Variants in PNKD observed in about 807,000 individuals in gnomAD.
PNKD encodes probable thioesterase PNKD.
A neutral mutation model predicts 45.3 loss-of-function variants in PNKD; 36 were observed. The ratio of observed to expected loss-of-function variants is 0.80; its 90% CI spans 0.61 to 1.05. The LOEUF (loss-of-function observed/expected upper bound fraction) is 1.05, where lower values mean the gene tolerates loss of function less well. Ranked by LOEUF, PNKD falls within the 50% of genes least tolerant of loss-of-function variation. The pLI is 0.00. For missense variants in PNKD, 511 were observed against 506.6 expected (o/e 1.01, Z -0.08); for synonymous variants, 197 against 210.1 (o/e 0.94, Z 0.54).
At chr2:218,280,300 C>T (rs943436016) in intron 2 of PNKD, 5 of 574,064 alleles carry the variant, frequency 8.7e-6, no homozygotes, top group Middle Eastern at 3.7e-4. Flanking sequence ...GACCCAGAGC[C>T]GGCCTGTCAC....
intron 2 of PNKD, chr2:218,280,118 G>A: frequency 6.2e-7 from 1 of 1,613,770 alleles, no homozygotes; most frequent in Non-Finnish European, 8.5e-7. Flanking sequence ...TCATAGCCAT[G>A]GCCTGGGCCT....
chr2:218,314,980 ATGCC>A (rs1693734675), intron 2 of PNKD, among the ~76,000 whole-genome samples: 1 of 143,130 alleles, frequency 7.0e-6, no homozygotes, highest in South Asian at 2.3e-4. Flanking sequence ...ATGAGCCACT[ATGCC>A]CGCCTGAGGT....
At chr2:218,307,068 T>C (rs975328355) in intron 2 of PNKD, among the ~76,000 whole-genome samples, 1 of 152,196 alleles carries the variant, frequency 6.6e-6, no homozygotes, top group Non-Finnish European at 1.5e-5. Flanking sequence ...GAAACACAGA[T>C]GATGCCGTTG....
At chr2:218,320,947 G>A (rs976629098) in intron 2 of PNKD, among the ~76,000 whole-genome samples, 2 of 152,106 alleles carry the variant, frequency 1.3e-5, no homozygotes, top group East Asian at 1.9e-4. Context: ...TAAGGGTGGG[G>A]TTATGGCTCC....
At chr2:218,313,939 C>T (rs1693689519) in intron 2 of PNKD, among the ~76,000 whole-genome samples, 1 of 106,510 alleles carries the variant, frequency 9.4e-6, no homozygotes, top group Non-Finnish European at 1.8e-5. Context: ...CGGAGTTTCA[C>T]TCTTGTTGCT....
At chr2:218,308,912 T>C (rs552775597) in intron 2 of PNKD, among the ~76,000 whole-genome samples, 37 of 151,968 alleles carry the variant, frequency 2.4e-4, no homozygotes, top group African/African-American at 8.0e-4. Flanking sequence ...TCCTTTCTCT[T>C]TTTCTCTCTT....
intron 2 of PNKD, chr2:218,284,326 C>G (rs1031924528): frequency 2.6e-5 from 4 of 152,344 alleles, no homozygotes; most frequent in African/African-American, 9.6e-5. Flanking sequence ...TAACAACAGA[C>G]TATGATTCTG....
intron 2 of PNKD, chr2:218,272,919 A>C: frequency 6.6e-7 from 1 of 1,518,584 alleles, no homozygotes; most frequent in Non-Finnish European, 8.8e-7. Flanking sequence ...AAAGGCAAAT[A>C]AAGTTATTGA....
chr2:218,328,517 T>C (rs915817022), intron 2 of PNKD, among the ~76,000 whole-genome samples: 9 of 152,220 alleles, frequency 5.9e-5, no homozygotes, highest in African/African-American at 1.7e-4. Flanking sequence ...TGTTCAAGAC[T>C]GTATCCCAGA....
intron 2 of PNKD, among the ~76,000 whole-genome samples, chr2:218,293,243 A>C (rs1374194015): frequency 2.0e-5 from 3 of 152,236 alleles, no homozygotes; most frequent in Non-Finnish European, 4.4e-5. Context: ...ATCTCAGTGA[A>C]GAATGCAGTA....
intron 2 of PNKD, among the ~76,000 whole-genome samples, chr2:218,321,126 G>GAGCA (rs1693974541): frequency 6.6e-6 from 1 of 151,200 alleles, no homozygotes. Context: ...ACAAGCTCAT[G>GAGCA]CTTGAGCATG....
intron 2 of PNKD, chr2:218,275,609 C>T (rs745668283): frequency 1.2e-6 from 2 of 1,611,966 alleles, no homozygotes; most frequent in Non-Finnish European, 1.7e-6. Context: ...AGCTGTGTGT[C>T]GTAAGCCAGG....
At chr2:218,305,243 A>T (rs1488799470) in intron 2 of PNKD, among the ~76,000 whole-genome samples, 8 of 152,118 alleles carry the variant, frequency 5.3e-5, no homozygotes, top group African/African-American at 1.7e-4. Context: ...ATCACACTGC[A>T]TGCATCAAGC....
At position 218,295,920 on chromosome 2, in the gene PNKD, G is replaced by A. The variant is rs186749867; in HGVS notation, c.236+24371G>A. ...GAGTACAGTAGTGCGATCTTGGCTC[G>A]CGGCAACCTCCACCTCCCAGGCTCA... On this transcript the variant is annotated intron_variant, in intron 2 of 9. Coordinates refer to ENST00000273077, the MANE Select transcript of PNKD (RefSeq NM_015488.5). Among the ~76,000 whole-genome samples, 13 of 148,608 alleles carry A rather than the reference G, an allele frequency of 8.7e-5. 1 individual carries two copies. The South Asian group carries it at 1.9e-3, about 22-fold the overall frequency.
chr2:218,276,292 A>C (rs1691205895), intron 2 of PNKD, among the ~76,000 whole-genome samples: 1 of 152,218 alleles, frequency 6.6e-6, no homozygotes, highest in African/African-American at 2.4e-5. Flanking sequence ...ATGGCTGTAT[A>C]AAACCAATCT....
chr2:218,310,592 C>CCTT (rs545002076), intron 2 of PNKD, among the ~76,000 whole-genome samples: 4 of 115,768 alleles, frequency 3.5e-5, no homozygotes, highest in African/African-American at 1.0e-4. Context: ...TGCTTTATTG[C>CCTT]TTTTTTTTTT....
chr2:218,315,120 C>CCTTCCTTCCTTCCTTCCTTT (rs1553667878), intron 2 of PNKD, among the ~76,000 whole-genome samples: 7 of 47,174 alleles, frequency 1.5e-4, no homozygotes, highest in African/African-American at 2.8e-4. Context: ...TTCCTTCCTT[C>CCTTCCTTCCTTCCTTCCTTT]CTTTCTTTCT....
At chr2:218,332,600 C>G (rs777730990) in intron 2 of PNKD, among the ~76,000 whole-genome samples, 12 of 152,062 alleles carry the variant, frequency 7.9e-5, no homozygotes, top group Non-Finnish European at 1.6e-4. Flanking sequence ...ATCAAGACCT[C>G]AGGCCAGCAA....
At chr2:218,283,321 C>A (rs1692219540) in intron 2 of PNKD, among the ~76,000 whole-genome samples, 1 of 152,220 alleles carries the variant, frequency 6.6e-6, no homozygotes, top group South Asian at 2.1e-4. Context: ...GTGGCATAAC[C>A]AGGACGGAGG....
Sources: allele counts gnomAD v4.1 joint callset (sites outside exome capture counted in the v4.1 genomes callset), GRCh38; gene constraint gnomAD v4.1.1; transcripts MANE v1.5; gene names NCBI Gene and HGNC (gene_info 2026-07-23, HGNC 2026-07-21).